The following GSTCD variants were observed in gnomAD, a reference collection of about 807,000 sequenced individuals.
The protein encoded by GSTCD is glutathione S-transferase C-terminal domain-containing protein.
In GSTCD, 44 loss-of-function variants were observed where a neutral mutation model predicts 68.3. The ratio of observed to expected loss-of-function variants is 0.64; its 90% CI spans 0.51 to 0.83. GSTCD has a LOEUF of 0.83. GSTCD is among the 40% of genes least tolerant of loss of function. GSTCD has a pLI of 0.00. For synonymous variants in GSTCD, 273 were observed against 255.2 expected (o/e 1.07, Z -0.67); for missense variants, 739 against 735.9 (o/e 1.00, Z -0.05).
At chr4:105,731,211 C>G (rs928278140) in intron 5 of GSTCD, among the ~76,000 whole-genome samples, 7 of 152,028 alleles carry the variant, frequency 4.6e-5, no homozygotes, top group African/African-American at 1.7e-4. Context: ...CTTGGCAATG[C>G]GGGCTCTTTT....
chr4:105,769,197 T>C lies in GSTCD; in HGVS notation c.1240+39698T>C, dbSNP rs1323467395. ...ATCATTTCTATTTAATTAGAGAAAA[T>C]AAGAAGTTATTTTTAAAAATATACT... On this transcript the variant is annotated intron_variant, in intron 5 of 11. Coordinates refer to ENST00000515279, the MANE Select transcript of GSTCD (RefSeq NM_001370181.1). 3.3e-5 allele frequency among the ~76,000 whole-genome samples: 5 copies of C among 150,786 alleles called. No homozygotes were observed. The Admixed American group carries it at 3.3e-4, about 10-fold the overall frequency.
intron 5 of GSTCD, among the ~76,000 whole-genome samples, chr4:105,772,122 T>C (rs1422137855): frequency 3.3e-5 from 5 of 152,202 alleles, no homozygotes; most frequent in African/African-American, 1.2e-4. Flanking sequence ...TTTATTCTCT[T>C]AGTAGCAATT....
At chr4:105,839,108 C>T (rs1242311561) in intron 10 of GSTCD, among the ~76,000 whole-genome samples, 1 of 152,168 alleles carries the variant, frequency 6.6e-6, no homozygotes, top group African/African-American at 2.4e-5. Context: ...TTCCTACCAA[C>T]CCCGCACCCT....
At chr4:105,808,649 T>C (rs1473323193) in intron 5 of GSTCD, among the ~76,000 whole-genome samples, 1 of 152,190 alleles carries the variant, frequency 6.6e-6, no homozygotes, top group South Asian at 2.1e-4. Flanking sequence ...TGGAATTCAC[T>C]AACTGCAGCA....
At chr4:105,790,458 G>A (rs1377276877) in intron 5 of GSTCD, among the ~76,000 whole-genome samples, 8 of 152,052 alleles carry the variant, frequency 5.3e-5, no homozygotes. Context: ...AGGCAACATA[G>A]TAAGATTTTT....
intron 5 of GSTCD, among the ~76,000 whole-genome samples, chr4:105,732,369 G>A (rs1161485801): frequency 2.0e-5 from 3 of 152,108 alleles, no homozygotes; most frequent in Non-Finnish European, 2.9e-5. Context: ...CAATTTCAGA[G>A]CCTGTTATTG....
intron 5 of GSTCD, among the ~76,000 whole-genome samples, chr4:105,742,813 C>T (rs1578427424): frequency 6.6e-6 from 1 of 151,164 alleles, no homozygotes; most frequent in East Asian, 2.0e-4. Flanking sequence ...CTATTGAGTG[C>T]AAGCAATCCT....
chr4:105,735,616 C>A (rs1254118913), intron 5 of GSTCD, among the ~76,000 whole-genome samples: 3 of 152,150 alleles, frequency 2.0e-5, no homozygotes, highest in Non-Finnish European at 4.4e-5. Context: ...TGACCCCTTG[C>A]ACTTCCTGGG....
intron 10 of GSTCD, among the ~76,000 whole-genome samples, chr4:105,841,672 T>C (rs965298796): frequency 3.1e-5 from 2 of 64,464 alleles, no homozygotes; most frequent in Non-Finnish European, 1.0e-4. Context: ...CCCGTTTCTA[T>C]TGAAAAAAAA....
intron 5 of GSTCD, among the ~76,000 whole-genome samples, chr4:105,801,425 C>T (rs548948492): frequency 8.2e-4 from 124 of 151,966 alleles, no homozygotes; most frequent in Non-Finnish European, 1.5e-3. Context: ...GATATCAAGA[C>T]GGAATGAGTG....
In GSTCD at chr4:105,834,499, G is replaced by A; in HGVS notation, c.1569G>A (p.Val523=). The A allele has an allele frequency of 6.2e-7, 1 of 1,614,130 alleles. No homozygotes were observed. Among genetic ancestry groups the A allele is most frequent in the Non-Finnish European group, 8.5e-7 (1 of 1,179,988 alleles). ...LHACGVATDM[V]IEHCIKTRAS... ...CTTGTGGAGTGGCAACAGACATGGT[G>A]ATTGAGCACTGTATCAAAACACGGG... Residue 523 remains valine, a synonymous_variant, in exon 9 of 12, where the codon GTG becomes GTA. Coordinates refer to ENST00000515279, the MANE Select transcript of GSTCD (RefSeq NM_001370181.1).
chr4:105,748,126 G>A (rs902541946), intron 5 of GSTCD, among the ~76,000 whole-genome samples: 4 of 152,004 alleles, frequency 2.6e-5, no homozygotes, highest in African/African-American at 4.8e-5. Context: ...GTGGTGGTAC[G>A]TGCCTGTAGT....
intron 5 of GSTCD, among the ~76,000 whole-genome samples, chr4:105,773,932 T>G (rs1734953050): frequency 6.6e-6 from 1 of 152,204 alleles, no homozygotes; most frequent in Non-Finnish European, 1.5e-5. Context: ...GTCTCATTGG[T>G]CTGGCTAATA....
At chr4:105,735,363 C>T (rs1733423400) in intron 5 of GSTCD, among the ~76,000 whole-genome samples, 1 of 152,226 alleles carries the variant, frequency 6.6e-6, no homozygotes, top group South Asian at 2.1e-4. Context: ...CCTACTCAAG[C>T]CTCAGCAATG....
At chr4:105,815,662 G>C (rs1463630220) in intron 5 of GSTCD, among the ~76,000 whole-genome samples, 2 of 152,100 alleles carry the variant, frequency 1.3e-5, no homozygotes, top group African/African-American at 2.4e-5. Flanking sequence ...CCTAATTACT[G>C]TGAAACATCA....
intron 5 of GSTCD, among the ~76,000 whole-genome samples, chr4:105,734,842 G>A (rs909820589): frequency 7.2e-5 from 11 of 152,170 alleles, no homozygotes; most frequent in African/African-American, 1.7e-4. Context: ...TGATGGTGAC[G>A]TACAGATGGG....
chr4:105,724,232 C>A (rs936249164), intron 3 of GSTCD, among the ~76,000 whole-genome samples: 2 of 151,560 alleles, frequency 1.3e-5, no homozygotes, highest in Admixed American at 6.6e-5. Context: ...CATTTGTTGC[C>A]TCTCAAAGAA....
intron 5 of GSTCD, among the ~76,000 whole-genome samples, chr4:105,765,692 G>A (rs1006207670): frequency 6.6e-6 from 1 of 152,140 alleles, no homozygotes; most frequent in East Asian, 1.9e-4. Context: ...AATCCAAACT[G>A]TAATCCCCAC....
chr4:105,836,784 C>T (rs1724139979), intron 9 of GSTCD, among the ~76,000 whole-genome samples: 1 of 152,206 alleles, frequency 6.6e-6, no homozygotes, highest in African/African-American at 2.4e-5. Flanking sequence ...GATTTACTGA[C>T]ATTTGTCCTC....
Sources: gnomAD v4.1 joint callset for allele counts (sites outside exome capture counted in the v4.1 genomes callset) on GRCh38, gnomAD v4.1.1 for gene constraint, MANE v1.5 for transcripts, NCBI Gene and HGNC (gene_info 2026-07-23, HGNC 2026-07-21) for gene names.